BCAS3: variants seen among roughly 807,000 people sequenced by gnomAD.
The protein encoded by BCAS3 is BCAS3 microtubule associated cell migration factor.
Under a neutral mutation model 116.1 loss-of-function variants are expected in BCAS3, and 53 were observed. The ratio of observed to expected loss-of-function variants is 0.46; its 90% CI spans 0.37 to 0.57. The LOEUF is 0.57. Ranked by LOEUF, BCAS3 falls within the 20% of genes least tolerant of loss-of-function variation. BCAS3 has a pLI of 0.00. For missense variants in BCAS3, 917 were observed against 1,165.4 expected (o/e 0.79, Z 3.10); for synonymous variants, 391 against 408.2 (o/e 0.96, Z 0.51).
intron 4 of BCAS3, among the ~76,000 whole-genome samples, chr17:60,693,592 T>G (rs536907389): frequency 5.3e-5 from 8 of 151,428 alleles, no homozygotes; most frequent in Non-Finnish European, 1.2e-4. Context: ...TTTTTTGACT[T>G]TTTGTAGTTG....
chr17:60,984,748 G>A (rs2063021553), intron 14 of BCAS3, among the ~76,000 whole-genome samples: 1 of 151,948 alleles, frequency 6.6e-6, no homozygotes, highest in South Asian at 2.1e-4. Flanking sequence ...AGTGGCTCAC[G>A]CCTGTAATCC....
intron 4 of BCAS3, among the ~76,000 whole-genome samples, chr17:60,690,095 G>T (rs1368757579): frequency 6.6e-6 from 1 of 152,186 alleles, no homozygotes; most frequent in Non-Finnish European, 1.5e-5. Flanking sequence ...ATAATCATTA[G>T]TGTTGAACTT....
At chr17:60,929,692 T>C (rs2059542111) in intron 13 of BCAS3, among the ~76,000 whole-genome samples, 1 of 148,784 alleles carries the variant, frequency 6.7e-6, no homozygotes, top group South Asian at 2.2e-4. Context: ...TAGCATTAGG[T>C]ATATCTCCTA....
rs1397728831 is a variant in BCAS3 at position 61,337,354 on chromosome 17, T to C, written c.2426-30973T>C. ...ATTCAGTGTTCTCCCAGGTCAGTGC[T>C]GCTTCCGTTGTAAATAAACCATTAG... On this transcript the variant is annotated intron_variant, in intron 22 of 23. Transcript: ENST00000407086. This position sits in a 1 kb window ranked among gnomAD's most constrained non-coding sequence, Gnocchi z 4.8. Among the ~76,000 whole-genome samples, 1 of 152,198 alleles carries C rather than the reference T, an allele frequency of 6.6e-6. No individual in the cohort carries two copies. Among genetic ancestry groups the C allele is most frequent in the Non-Finnish European group, 1.5e-5 (1 of 68,038 alleles).
chr17:61,292,646 G>A (rs1015562697), intron 22 of BCAS3, among the ~76,000 whole-genome samples: 12 of 151,984 alleles, frequency 7.9e-5, no homozygotes, highest in Admixed American at 2.0e-4. Flanking sequence ...GCGAGGCTCC[G>A]TCTCAAAAAA....
At chr17:60,909,227 C>T (rs868666073) in intron 11 of BCAS3, among the ~76,000 whole-genome samples, 1 of 152,224 alleles carries the variant, frequency 6.6e-6, no homozygotes, top group African/African-American at 2.4e-5. Flanking sequence ...TTTAATAGAA[C>T]ACTTCTTTGG....
intron 12 of BCAS3, among the ~76,000 whole-genome samples, chr17:60,913,774 T>A (rs1420969278): frequency 6.6e-6 from 1 of 152,160 alleles, no homozygotes; most frequent in Non-Finnish European, 1.5e-5. Flanking sequence ...ACCATCCTTC[T>A]GATGCCATAT....
At chr17:61,245,187 G>A (rs1001326921) in intron 22 of BCAS3, 1 of 152,118 alleles carries the variant, frequency 6.6e-6, no homozygotes, top group Non-Finnish European at 1.5e-5. Flanking sequence ...AGTGCCCAGT[G>A]AAGGGGGAAG....
Position 61,139,892 on chromosome 17 carries a change from T to G in BCAS3, c.2425+55328T>G, listed in dbSNP as rs1191308870. Among the ~76,000 whole-genome samples, 1 of 152,082 alleles carries G rather than the reference T, an allele frequency of 6.6e-6. No individual in the cohort carries two copies. The highest frequency in any genetic ancestry group is 1.5e-5 in the Non-Finnish European group (1 of 68,012). On this transcript the variant is annotated intron_variant, in intron 22 of 23. Transcript: ENST00000407086. This position sits in a 1 kb window ranked among gnomAD's most constrained non-coding sequence, Gnocchi z 4.7. ...TTTGAGCTAGAATTTGAGGAATACG[T>G]GGAATTTTGGCAGGAGAAGATTGAG...
chr17:61,370,270 C>CT (rs1226826884), intron 23 of BCAS3, among the ~76,000 whole-genome samples: 2 of 85,982 alleles, frequency 2.3e-5, no homozygotes, highest in East Asian at 2.8e-4. Context: ...TAGGAGACTC[C>CT]CTTTTTTTTT....
chr17:60,951,806 A>G (rs1007721292), intron 14 of BCAS3, among the ~76,000 whole-genome samples: 1 of 119,696 alleles, frequency 8.4e-6, no homozygotes, highest in Non-Finnish European at 1.6e-5. Context: ...CGGAGTCTCT[A>G]TCGCTCAGGC....
intron 5 of BCAS3, among the ~76,000 whole-genome samples, chr17:60,726,322 T>A (rs1366471329): frequency 6.8e-6 from 1 of 147,228 alleles, no homozygotes; most frequent in Admixed American, 6.8e-5. Context: ...TGCCTTAGCC[T>A]CCCGAGTAGC....
intron 7 of BCAS3, among the ~76,000 whole-genome samples, chr17:60,816,635 TGTCA>T (rs1158766447): frequency 5.3e-5 from 8 of 152,168 alleles, no homozygotes; most frequent in South Asian, 2.1e-4. Flanking sequence ...CTATGGAAAG[TGTCA>T]GTCAAAGTCA....
intron 6 of BCAS3, among the ~76,000 whole-genome samples, chr17:60,757,363 T>TAAATAAATAAATAAAA (rs779963306): frequency 4.5e-4 from 67 of 148,966 alleles, no homozygotes; most frequent in African/African-American, 1.2e-3. Flanking sequence ...AATAAATAAA[T>TAAATAAATAAATAAAA]GAGTTTCTCT....
chr17:61,187,808 G>A (rs1188506893), intron 22 of BCAS3, among the ~76,000 whole-genome samples: 4 of 152,106 alleles, frequency 2.6e-5, no homozygotes, highest in Non-Finnish European at 4.4e-5. Flanking sequence ...CCTAAGATTA[G>A]CAGCTAAGGT....
intron 22 of BCAS3, among the ~76,000 whole-genome samples, chr17:61,322,856 C>CAGAGAGAGAGAGACAGAGAGAG (rs2055404974): frequency 9.9e-5 from 6 of 60,486 alleles, no homozygotes; most frequent in African/African-American, 4.1e-4. Context: ...GAGAGAGAGA[C>CAGAGAGAGAGAGACAGAGAGAG]AGAGAGAGAG....
intron 13 of BCAS3, among the ~76,000 whole-genome samples, chr17:60,936,410 T>C (rs868276029): frequency 1.3e-5 from 2 of 152,098 alleles, no homozygotes; most frequent in Non-Finnish European, 2.9e-5. Flanking sequence ...TATTTCTAGT[T>C]CTAGATCCCT....
chr17:60,992,670 A>T (rs1644644609), intron 15 of BCAS3, among the ~76,000 whole-genome samples: 2 of 152,222 alleles, frequency 1.3e-5, no homozygotes, highest in African/African-American at 2.4e-5. Context: ...GCCCCCGAAC[A>T]TAAAATAAAA....
intron 7 of BCAS3, among the ~76,000 whole-genome samples, chr17:60,866,289 T>C (rs2054586558): frequency 6.6e-6 from 1 of 152,018 alleles, no homozygotes; most frequent in African/African-American, 2.4e-5. Flanking sequence ...CCACCACCCC[T>C]GGCTAATTTT....
Sources: gnomAD v4.1 joint callset for allele counts (sites outside exome capture counted in the v4.1 genomes callset) on GRCh38, gnomAD v4.1.1 for gene constraint, Gnocchi (gnomAD v3.1) non-coding constraint, MANE v1.5 for transcripts, NCBI Gene and HGNC (gene_info 2026-07-23, HGNC 2026-07-21) for gene names.